The following POU2AF2 variants were observed in gnomAD, a reference collection of about 807,000 sequenced individuals.
The protein encoded by POU2AF2 is POU class 2 homeobox associating factor 2.
chr11:111,264,491 C>T, the POU2AF2 span, among the ~76,000 whole-genome samples: 11 of 86,062 alleles, frequency 1.3e-4, no homozygotes, highest in East Asian at 1.8e-3. Context: ...GCAAGACTCA[C>T]GAAAGAAAGA....
At chr11:111,273,587 T>C in the POU2AF2 span, among the ~76,000 whole-genome samples, 1 of 152,334 alleles carries the variant, frequency 6.6e-6, no homozygotes, top group South Asian at 2.1e-4. Flanking sequence ...TTTATCTCAA[T>C]TTGAATTAAG....
chr11:111,246,224 C>G, the POU2AF2 span, among the ~76,000 whole-genome samples: 1 of 152,256 alleles, frequency 6.6e-6, no homozygotes, highest in African/African-American at 2.4e-5. Context: ...TCAGTAAGCT[C>G]TCAACTATAG....
chr11:111,276,453 A>AAATATATATATATAT, the POU2AF2 span, among the ~76,000 whole-genome samples: 92 of 37,494 alleles, frequency 2.5e-3, no homozygotes, highest in Non-Finnish European at 3.5e-3. Context: ...AAAAAAAAAA[A>AAATATATATATATAT]ATATATATAT....
At chr11:111,265,007 C>T in the POU2AF2 span, among the ~76,000 whole-genome samples, 1 of 151,868 alleles carries the variant, frequency 6.6e-6, no homozygotes, top group Non-Finnish European at 1.5e-5. Context: ...AAAAAGACTT[C>T]TTGGAGGAAA....
chr11:111,270,806 C>A, the POU2AF2 span, among the ~76,000 whole-genome samples: 5 of 152,038 alleles, frequency 3.3e-5, no homozygotes, highest in Non-Finnish European at 7.4e-5. Context: ...GAGTATCAGC[C>A]CTTGTTGATA....
At chr11:111,278,017 C>A in the POU2AF2 span, among the ~76,000 whole-genome samples, 2 of 152,168 alleles carry the variant, frequency 1.3e-5, no homozygotes, top group Non-Finnish European at 2.9e-5. Context: ...TACTTCTGAC[C>A]ATTACATGCC....
the POU2AF2 span, chr11:111,283,990 T>G: frequency 5.5e-6 from 7 of 1,264,272 alleles, no homozygotes; most frequent in Non-Finnish European, 7.8e-6. Flanking sequence ...AGTAACATCG[T>G]TTCCCAGGCA....
At chr11:111,255,877 C>T in the POU2AF2 span, 53 of 396,956 alleles carry the variant, frequency 1.3e-4, 1 homozygote, top group African/African-American at 1.1e-3. Flanking sequence ...TTCTATCATT[C>T]TATCAAGAAA....
At chr11:111,283,982 T>C in the POU2AF2 span, 1 of 1,155,450 alleles carries the variant, frequency 8.7e-7, no homozygotes, top group Non-Finnish European at 1.3e-6. Flanking sequence ...CACGCGTTAG[T>C]AACATCGTTT....
At chr11:111,253,208 A>G in the POU2AF2 span, among the ~76,000 whole-genome samples, 1 of 152,214 alleles carries the variant, frequency 6.6e-6, no homozygotes, top group East Asian at 1.9e-4. Context: ...TCCATCTTTA[A>G]TCATTTAGTC....
the POU2AF2 span, among the ~76,000 whole-genome samples, chr11:111,273,666 T>C: frequency 6.6e-6 from 1 of 152,250 alleles, no homozygotes; most frequent in East Asian, 1.9e-4. Context: ...TACATTTCAA[T>C]ATGTCCTTCA....
chr11:111,281,534 C>A, the POU2AF2 span: 1 of 1,315,774 alleles, frequency 7.6e-7, no homozygotes, highest in South Asian at 1.2e-5. Context: ...ACAACACTTC[C>A]AAAACTCTGC....
the POU2AF2 span, among the ~76,000 whole-genome samples, chr11:111,264,405 A>G: frequency 6.6e-6 from 1 of 151,874 alleles, no homozygotes; most frequent in Admixed American, 6.6e-5. Flanking sequence ...CTGAGGCACA[A>G]GAATCGCTTG....
the POU2AF2 span, among the ~76,000 whole-genome samples, chr11:111,261,828 C>G: frequency 6.6e-6 from 1 of 152,004 alleles, no homozygotes; most frequent in Admixed American, 6.5e-5. Context: ...CTACATAAAC[C>G]TAAGGAAAAA....
At chr11:111,271,282 C>T in the POU2AF2 span, among the ~76,000 whole-genome samples, 6 of 151,910 alleles carry the variant, frequency 3.9e-5, no homozygotes, top group East Asian at 3.9e-4. Flanking sequence ...GGGATCATGC[C>T]GCTGCACTGC....
chr11:111,251,230 T>A, the POU2AF2 span, among the ~76,000 whole-genome samples: 2 of 152,142 alleles, frequency 1.3e-5, no homozygotes, highest in Admixed American at 6.5e-5. Flanking sequence ...ATGTATTTTG[T>A]AGGTAGCACC....
chr11:111,252,343 C>A, the POU2AF2 span, among the ~76,000 whole-genome samples: 3 of 152,118 alleles, frequency 2.0e-5, no homozygotes, highest in African/African-American at 7.2e-5. Flanking sequence ...TAGGCCCCAC[C>A]CTAGGGTTTC....
chr11:111,247,873 G>C, the POU2AF2 span, among the ~76,000 whole-genome samples: 9 of 137,456 alleles, frequency 6.5e-5, no homozygotes, highest in South Asian at 2.4e-4. Flanking sequence ...GAGACTATAA[G>C]TGGCCTTTTT....
the POU2AF2 span, among the ~76,000 whole-genome samples, chr11:111,267,529 A>G: frequency 6.6e-6 from 1 of 152,150 alleles, no homozygotes; most frequent in African/African-American, 2.4e-5. Flanking sequence ...TCTTTTCTGA[A>G]TATCGGCAAG....
Sources: allele counts gnomAD v4.1 joint callset (sites outside exome capture counted in the v4.1 genomes callset), GRCh38; gene constraint gnomAD v4.1.1; transcripts MANE v1.5; gene names NCBI Gene and HGNC (gene_info 2026-07-23, HGNC 2026-07-21).